Variants in PDS5A observed in about 807,000 individuals in gnomAD.
PDS5A encodes the protein sister chromatid cohesion protein PDS5 homolog A.
A neutral mutation model predicts 167.1 loss-of-function variants in PDS5A; 42 were observed. The observed-to-expected ratio is 0.25, with a 90% confidence interval of 0.20 to 0.33. PDS5A has a LOEUF of 0.33. Ranked by LOEUF, PDS5A falls within the 10% of genes least tolerant of loss-of-function variation. The probability of loss-of-function intolerance (pLI) is 1.00; values close to 1 mark genes in which losing one functional copy is unlikely to be tolerated. For missense variants in PDS5A, 1,033 were observed against 1,605.9 expected (o/e 0.64, Z 6.10); for synonymous variants, 553 against 554.6 (o/e 1.00, Z 0.04).
chr4:39,957,071 G>C (rs911756214), intron 2 of PDS5A, among the ~76,000 whole-genome samples: 1 of 152,104 alleles, frequency 6.6e-6, no homozygotes, highest in Non-Finnish European at 1.5e-5. Context: ...TTTATTCAAT[G>C]ATTTTCTTTT....
intron 25 of PDS5A, 45 bp downstream of exon 25, chr4:39,862,824 C>A: frequency 8.1e-7 from 1 of 1,241,054 alleles, no homozygotes; most frequent in Non-Finnish European, 1.2e-6. Flanking sequence ...AAAATGGATA[C>A]ATTGACAAAA....
At chr4:39,948,681 G>A (rs550705909) in intron 2 of PDS5A, among the ~76,000 whole-genome samples, 1 of 148,216 alleles carries the variant, frequency 6.7e-6, no homozygotes, top group African/African-American at 2.5e-5. Context: ...CTGGAGTGCA[G>A]TGGTGCCATC....
chr4:39,954,026 T>G (rs1280982580), intron 2 of PDS5A, among the ~76,000 whole-genome samples: 1 of 151,846 alleles, frequency 6.6e-6, no homozygotes, highest in East Asian at 1.9e-4. Flanking sequence ...CCAACTGAGG[T>G]ACTAAGTGAA....
At chr4:39,846,546 GTTCT>G (rs1477676231) in intron 28 of PDS5A, 2 of 152,182 alleles carry the variant, frequency 1.3e-5, no homozygotes, top group Non-Finnish European at 2.9e-5. Flanking sequence ...AGTGAATTAT[GTTCT>G]TTGACAGCTG....
At chr4:39,956,573 T>C (rs1728945035) in intron 2 of PDS5A, among the ~76,000 whole-genome samples, 1 of 152,050 alleles carries the variant, frequency 6.6e-6, no homozygotes, top group Non-Finnish European at 1.5e-5. Context: ...ACAACATTAT[T>C]TCAAAAACAT....
chr4:39,965,128 C>G, intron 2 of PDS5A, among the ~76,000 whole-genome samples: 1 of 152,064 alleles, frequency 6.6e-6, no homozygotes, highest in Non-Finnish European at 1.5e-5. Context: ...ACAGTACTTT[C>G]TTTTAACCAA....
At chr4:39,947,643 C>T (rs1727904466) in intron 2 of PDS5A, among the ~76,000 whole-genome samples, 1 of 152,160 alleles carries the variant, frequency 6.6e-6, no homozygotes, top group South Asian at 2.1e-4. Flanking sequence ...ACAATAGTCT[C>T]ATAATGTTTT....
intron 26 of PDS5A, among the ~76,000 whole-genome samples, chr4:39,853,475 C>T (rs1718284636): frequency 6.6e-6 from 1 of 152,180 alleles, no homozygotes; most frequent in East Asian, 1.9e-4. Flanking sequence ...AATCTTTACT[C>T]TACTCATATC....
intron 2 of PDS5A, among the ~76,000 whole-genome samples, chr4:39,975,423 T>G (rs1000629044): frequency 1.3e-4 from 20 of 152,240 alleles, no homozygotes; most frequent in Admixed American, 1.1e-3. Flanking sequence ...GCTCATTCCC[T>G]AAAATACATT....
At chr4:39,832,651 G>C (rs1454305287) in intron 32 of PDS5A, among the ~76,000 whole-genome samples, 3 of 152,014 alleles carry the variant, frequency 2.0e-5, no homozygotes. Flanking sequence ...CTTGATTCCA[G>C]GAGTTTGAGA....
chr4:39,906,941 AAAC>A (rs2109670530), intron 11 of PDS5A, among the ~76,000 whole-genome samples: 2 of 151,396 alleles, frequency 1.3e-5, no homozygotes, highest in Non-Finnish European at 2.9e-5. Context: ...AAAAAAAAAA[AAAC>A]AAGCAATAAA....
chr4:39,839,891 C>T (rs148891694), intron 31 of PDS5A, among the ~76,000 whole-genome samples: 4 of 151,708 alleles, frequency 2.6e-5, no homozygotes, highest in Admixed American at 1.3e-4. Context: ...GTCAGGAGTT[C>T]AAGACCAGCC....
chr4:39,892,522 T>C (rs1388254075), intron 16 of PDS5A, among the ~76,000 whole-genome samples: 1 of 152,232 alleles, frequency 6.6e-6, no homozygotes. Flanking sequence ...AAGAAGCCAT[T>C]CCTGGACCTA....
At position 39,837,966 on chromosome 4, in the gene PDS5A, T is replaced by G. The variant is rs1441555420; in HGVS notation, c.3900A>C (p.Ala1300=). Residue 1300 remains alanine, a synonymous_variant, in exon 32 of 33, where the codon GCA becomes GCC. Coordinates refer to ENST00000303538, the MANE Select transcript of PDS5A (RefSeq NM_001100399.2). ...KPINKGRKRA[A]VGQESPGGLE... is the part of the protein sequence containing the mutation. ...AACCCCCAGGGCTCTCCTGACCCACTGCAGCTCTCTTCCTTCCCTTGTTAA... is the reference window on the plus strand; with the variant it reads ...AACCCCCAGGGCTCTCCTGACCCACGGCAGCTCTCTTCCTTCCCTTGTTAA... 1 of 1,613,940 alleles carries G rather than the reference T, an allele frequency of 6.2e-7. No individual in the cohort carries two copies. The highest frequency in any genetic ancestry group is 8.5e-7 in the Non-Finnish European group (1 of 1,179,896).
chr4:39,889,007 T>C (rs1052872657), intron 17 of PDS5A, among the ~76,000 whole-genome samples: 2 of 152,220 alleles, frequency 1.3e-5, no homozygotes, highest in African/African-American at 4.8e-5. Context: ...CCTGAATATA[T>C]GTACATTTAT....
intron 26 of PDS5A, among the ~76,000 whole-genome samples, chr4:39,853,161 G>A (rs1422906501): frequency 6.6e-6 from 1 of 152,142 alleles, no homozygotes; most frequent in Non-Finnish European, 1.5e-5. Flanking sequence ...GGCTGGTCCT[G>A]AAATCCTGGA....
At chr4:39,959,532 AG>A (rs1729284459) in intron 2 of PDS5A, among the ~76,000 whole-genome samples, 2 of 152,028 alleles carry the variant, frequency 1.3e-5, no homozygotes, top group South Asian at 2.1e-4. Context: ...TTGTATTTTT[AG>A]TACCATGCTG....
intron 26 of PDS5A, among the ~76,000 whole-genome samples, chr4:39,858,887 A>C (rs1282200931): frequency 6.6e-6 from 1 of 152,200 alleles, no homozygotes; most frequent in Non-Finnish European, 1.5e-5. Flanking sequence ...GGCTGAAAAC[A>C]CAGTAAAAAA....
chr4:39,824,706 A>C lies in PDS5A; in HGVS notation c.*779T>G, dbSNP rs1715125255. On this transcript the variant is annotated 3_prime_UTR_variant, in exon 33 of 33. Transcript: ENST00000303538. ...TAATCACAGGAGTAAAAACCATTTT[A>C]AAGTGATATGCTTTATGAAACAAAC... The C allele has an allele frequency of 6.5e-6, 1 of 152,678 alleles. No individual in the cohort carries two copies. Among genetic ancestry groups the C allele is most frequent in the African/African-American group, 2.4e-5 (1 of 41,470 alleles). 9.5% of individuals were successfully genotyped at this position (152,678 alleles called of 1,614,324 possible).
Sources: gnomAD v4.1 joint callset for allele counts (sites outside exome capture counted in the v4.1 genomes callset) on GRCh38, gnomAD v4.1.1 for gene constraint, MANE v1.5 for transcripts, NCBI Gene and HGNC (gene_info 2026-07-23, HGNC 2026-07-21) for gene names.